The following KMT2A variants were observed in gnomAD, a reference collection of about 807,000 sequenced individuals.
KMT2A encodes the protein histone-lysine N-methyltransferase 2A.
A neutral mutation model predicts 345.3 loss-of-function variants in KMT2A; 16 were observed. The ratio of observed to expected loss-of-function variants is 0.05; its 90% CI spans 0.03 to 0.07. The LOEUF is 0.07. KMT2A is among the 10% of genes least tolerant of loss of function. The pLI is 1.00. For synonymous variants in KMT2A, 1,599 were observed against 1,778.6 expected (o/e 0.90, Z 2.54); for missense variants, 3,272 against 4,841.6 (o/e 0.68, Z 9.62).
chr11:118,519,143 T>C (rs917190251), intron 31 of KMT2A, among the ~76,000 whole-genome samples: 1 of 149,908 alleles, frequency 6.7e-6, no homozygotes, highest in Admixed American at 6.6e-5. Flanking sequence ...CATAAGCTTA[T>C]AGAACCTAGA....
rs149340870 is a variant in KMT2A at position 118,505,968 on chromosome 11, C to T, written c.10076C>T (p.Ala3359Val). 4.4e-5 allele frequency: 71 copies of T among 1,614,160 alleles called. No homozygotes were observed. The highest frequency in any genetic ancestry group is 1.6e-4 in the Middle Eastern group (1 of 6,062). The change falls in exon 27 of 36, where the codon GCG becomes GTG. Residue 3359 changes from alanine to valine, a missense_variant. Ala to Val is a moderately conservative substitution (Grantham distance 64, BLOSUM62 0). Around this residue, in one of 27 missense-constraint regions of KMT2A, gnomAD observed 748 missense variants for 922.2 expected, o/e 0.81. Transcript: ENST00000534358. The surrounding 1 kb of genome is among the most constrained non-coding windows in gnomAD (Gnocchi z 4.6). The stretch of plus-strand genomic sequence containing the variant: ...ACTACCACAACCCCTACAAGTAGTG[C>T]GTCAGTTCCAGGACACGTCACCTTA... ...MQTTTTPTSSASVPGHVTLTN... is the reference protein window; with the variant it reads ...MQTTTTPTSSVSVPGHVTLTN...
Position 118,522,191 on chromosome 11 carries a change from G to T in KMT2A, c.*19G>T. 1 of 1,611,232 alleles carries T rather than the reference G, an allele frequency of 6.2e-7. No homozygotes were observed. Among genetic ancestry groups the T allele is most frequent in the Non-Finnish European group, 8.5e-7 (1 of 1,177,620 alleles). ...AAACTAAAGCTGCTCTTCTCCCCCA[G>T]TGTTGGAGTGCAAGGAGGCGGGGCC... On this transcript the variant is annotated 3_prime_UTR_variant, in exon 36 of 36. Transcript: ENST00000534358. The surrounding 1 kb of genome is among the most constrained non-coding windows in gnomAD (Gnocchi z 5.4).
chr11:118,495,579 G>A lies in KMT2A; in HGVS notation c.5364-121G>A, dbSNP rs1238631004. The A allele has an allele frequency of 4.6e-6, 3 of 656,548 alleles. No individual in the cohort carries two copies. The East Asian group carries it at 9.0e-5, about 20-fold the overall frequency. The allele number at this position is 656,548 out of a possible 1,614,324, so 40.7% of individuals were successfully genotyped here. A position where few individuals can be genotyped will look rare whatever the true frequency, so the allele number is the denominator to read the frequency against. On this transcript the variant is annotated intron_variant, in intron 18 of 35. Coordinates refer to ENST00000534358, the MANE Select transcript of KMT2A (RefSeq NM_001197104.2). The surrounding 1 kb of genome is among the most constrained non-coding windows in gnomAD (Gnocchi z 4.1). ...CAGCAATTTTCAAACGCTGTGACTT[G>A]TTCTTATATTCTGTGAATGGCTCCT... is the stretch of plus-strand genomic sequence containing the variant.
At chr11:118,453,071 C>T (rs1199735043) in intron 1 of KMT2A, among the ~76,000 whole-genome samples, 4 of 152,094 alleles carry the variant, frequency 2.6e-5, no homozygotes, top group African/African-American at 4.8e-5. Flanking sequence ...CTAGATTGGT[C>T]CCATCACCAT....
intron 1 of KMT2A, among the ~76,000 whole-genome samples, chr11:118,454,243 G>A (rs181965878): frequency 6.6e-6 from 1 of 152,150 alleles, no homozygotes; most frequent in East Asian, 1.9e-4. Flanking sequence ...GATAAATCCA[G>A]ATTCCTTACT....
In KMT2A at chr11:118,524,843, G is replaced by T; in HGVS notation, c.*2671G>T. ...ACTCAGCTAAATAGACCTAGTTACT[G>T]CCCTGCTAGGCCATGCTGTACTGTG... On this transcript the variant is annotated 3_prime_UTR_variant, in exon 36 of 36. Transcript: ENST00000534358. 5.3e-6 allele frequency: 1 copy of T among 187,278 alleles called. No individual in the cohort carries two copies. The highest frequency in any genetic ancestry group is 1.1e-5 in the Non-Finnish European group (1 of 88,656). 11.6% of individuals were successfully genotyped at this position (187,278 alleles called of 1,614,324 possible).
At chr11:118,468,465 G>A (rs1555034650) in intron 1 of KMT2A, among the ~76,000 whole-genome samples, 2 of 152,120 alleles carry the variant, frequency 1.3e-5, no homozygotes, top group African/African-American at 4.8e-5. Context: ...ATTTAAAGTT[G>A]TCCTTTAATT....
At chr11:118,509,918 T>C (rs1565310126) in intron 29 of KMT2A, 30 bp from the exon 30 acceptor site, 1 of 1,553,802 alleles carries the variant, frequency 6.4e-7, no homozygotes, top group East Asian at 2.3e-5. Flanking sequence ...CATTTGTTAC[T>C]GCAACCACTA....
Position 118,436,673 on chromosome 11 carries a change from C to T in KMT2A, c.161C>T (p.Pro54Leu), listed in dbSNP as rs1949187504. The T allele has an allele frequency of 1.6e-6, 2 of 1,232,578 alleles. No homozygotes were observed. The highest frequency in any genetic ancestry group is 2.0e-6 in the Non-Finnish European group (2 of 985,972). 76.4% of individuals were successfully genotyped at this position (1,232,578 alleles called of 1,614,324 possible). Residue 54 changes from proline (P) to leucine (L), a missense_variant, in exon 1 of 36, where the codon CCC becomes CTC. Pro to Leu is a moderately conservative substitution (Grantham distance 98). Transcript: ENST00000534358. The surrounding 1 kb of genome is among the most constrained non-coding windows in gnomAD (Gnocchi z 6.9). Reference sequence around the variant, plus strand: ...GTCGGCGGTGGCGGCCCCGGGGCGCCCCCCTCCCCCCCGGCTGTGGCGGCC... The same window carrying T: ...GTCGGCGGTGGCGGCCCCGGGGCGCTCCCCTCCCCCCCGGCTGTGGCGGCC... ...PPVGGGGPGA[P>L]PSPPAVAAAA... is the part of the protein sequence containing the mutation.
chr11:118,526,453 A>T lies in KMT2A; in HGVS notation c.*4281A>T. ...CTCTTTAGTAAATACAGGTAGTTGA[A>T]TAATTGTTTCAAGAGCTCAACAGAT... On this transcript the variant is annotated 3_prime_UTR_variant, in exon 36 of 36. Transcript: ENST00000534358. The T allele has an allele frequency of 4.4e-6, 1 of 229,296 alleles. No homozygotes were observed. The highest frequency in any genetic ancestry group is 8.6e-6 in the Non-Finnish European group (1 of 115,768). The allele number at this position is 229,296 out of a possible 1,614,324, so 14.2% of individuals were successfully genotyped here. A position where few individuals can be genotyped will look rare whatever the true frequency, so the allele number is the denominator to read the frequency against.
chr11:118,513,210 C>T (rs1389724775), intron 31 of KMT2A, among the ~76,000 whole-genome samples: 1 of 152,110 alleles, frequency 6.6e-6, no homozygotes, highest in East Asian at 1.9e-4. Context: ...TAGCACTGCA[C>T]TCCAGCCTGA....
Position 118,472,422 on chromosome 11 carries a change from C to G in KMT2A, c.1263C>G (p.Ile421Met). 1 of 1,614,052 alleles carries G rather than the reference C, an allele frequency of 6.2e-7. No homozygotes were observed. Among genetic ancestry groups the G allele is most frequent in the Non-Finnish European group, 8.5e-7 (1 of 1,180,014 alleles). ...TTGTCAGTGCTATCTCCTCGCGGAT[C>G]ATTAAGACCCCTCGGCGGTTTATAG... Reference protein sequence around the residue: ...MPVVSAISSRIIKTPRRFIED... With the variant: ...MPVVSAISSRMIKTPRRFIED... The change falls in exon 3 of 36, where the codon ATC becomes ATG. Residue 421 changes from isoleucine to methionine, a missense_variant. By Grantham distance (10) the Ile-to-Met change is conservative. Coordinates refer to ENST00000534358, the MANE Select transcript of KMT2A (RefSeq NM_001197104.2).
chr11:118,508,310 G>A (rs1950624059), intron 28 of KMT2A, among the ~76,000 whole-genome samples: 2 of 152,126 alleles, frequency 1.3e-5, no homozygotes, highest in African/African-American at 4.8e-5. Flanking sequence ...ACATCTTTCT[G>A]TGCCAATATA....
At chr11:118,517,418 G>GA (rs1950844280) in intron 31 of KMT2A, among the ~76,000 whole-genome samples, 1 of 140,776 alleles carries the variant, frequency 7.1e-6, no homozygotes, top group Non-Finnish European at 1.6e-5. Context: ...AAAAAGAAAA[G>GA]AAAAGAAAAA....
intron 1 of KMT2A, chr11:118,449,602 A>C (rs567974810): frequency 6.6e-6 from 1 of 151,304 alleles, no homozygotes; most frequent in Non-Finnish European, 1.5e-5. Flanking sequence ...AAAAAAAAAA[A>C]AGAGAAAAAA....
intron 2 of KMT2A, among the ~76,000 whole-genome samples, chr11:118,471,009 T>G (rs1949933459): frequency 6.6e-6 from 1 of 152,180 alleles, no homozygotes; most frequent in African/African-American, 2.4e-5. Flanking sequence ...AGCAGGGGAG[T>G]AGATTTAGTG....
At chr11:118,477,497 G>GTTTTT (rs1565283646) in intron 4 of KMT2A, among the ~76,000 whole-genome samples, 1 of 57,326 alleles carries the variant, frequency 1.7e-5, no homozygotes, top group African/African-American at 7.1e-5. Flanking sequence ...CAAGTTATTG[G>GTTTTT]CTTTTTTTTT....
At chr11:118,481,662 A>G in intron 6 of KMT2A, 53 bp from the exon 7 acceptor site, 1 of 1,530,102 alleles carries the variant, frequency 6.5e-7, no homozygotes, top group African/African-American at 1.4e-5. Context: ...ATTCTATTTT[A>G]AATAAAATTA....
intron 6 of KMT2A, among the ~76,000 whole-genome samples, chr11:118,481,297 A>G (rs536867346): frequency 4.0e-4 from 61 of 152,070 alleles, no homozygotes; most frequent in African/African-American, 1.3e-3. Context: ...CTCTATCTCC[A>G]TAAGTTCAAT....
Sources: gnomAD v4.1 joint callset for allele counts (sites outside exome capture counted in the v4.1 genomes callset) on GRCh38, gnomAD v4.1.1 for gene constraint, gnomAD v4.1.1 regional missense constraint, Gnocchi (gnomAD v3.1) non-coding constraint, MANE v1.5 for transcripts, NCBI Gene and HGNC (gene_info 2026-07-23, HGNC 2026-07-21) for gene names.